The following PRDM5 variants were observed in gnomAD, a reference collection of about 807,000 sequenced individuals.
The protein encoded by PRDM5 is PR/SET domain 5, also known as PR domain zinc finger protein 5.
PRDM5 carries 56 observed loss-of-function variants against 81.2 expected under a neutral mutation model. That is an observed-to-expected ratio of 0.69 (90% CI 0.56 to 0.86). PRDM5 has a LOEUF of 0.86. Among genes scored for constraint, PRDM5 ranks in the 40% least tolerant of loss-of-function variants. The pLI is 0.00. For missense variants in PRDM5, 697 were observed against 770.1 expected (o/e 0.91, Z 1.12); for synonymous variants, 267 against 256.4 (o/e 1.04, Z -0.39).
At chr4:120,695,374 T>G (rs890381453) in intron 15 of PRDM5, 99 bp from the exon 16 acceptor site, 3 of 1,321,332 alleles carry the variant, frequency 2.3e-6, no homozygotes, top group Non-Finnish European at 3.2e-6. Flanking sequence ...ATTAATAAGT[T>G]ACTGCATTTA....
chr4:120,838,085 T>C (rs543074379), intron 3 of PRDM5: 7 of 152,320 alleles, frequency 4.6e-5, no homozygotes, highest in South Asian at 2.1e-4. Context: ...ATGATTCTTA[T>C]ATCTACTTTC....
chr4:120,850,053 C>A (rs547259039), intron 3 of PRDM5, among the ~76,000 whole-genome samples: 57 of 152,054 alleles, frequency 3.7e-4, no homozygotes, highest in African/African-American at 1.3e-3. Context: ...AAATAAATTG[C>A]AAAACTAGAA....
chr4:120,795,599 A>G (rs538809055), intron 10 of PRDM5, among the ~76,000 whole-genome samples: 3 of 151,968 alleles, frequency 2.0e-5, no homozygotes, highest in African/African-American at 7.2e-5. Context: ...AAAAAAAAAA[A>G]AAAACACCCC....
intron 3 of PRDM5, among the ~76,000 whole-genome samples, chr4:120,834,229 T>C (rs1330372018): frequency 6.6e-6 from 1 of 152,198 alleles, no homozygotes; most frequent in Non-Finnish European, 1.5e-5. Context: ...ATGTGCTGAA[T>C]ATTTGTGTCC....
intron 2 of PRDM5, among the ~76,000 whole-genome samples, chr4:120,860,646 T>G (rs1375836133): frequency 1.3e-5 from 2 of 152,186 alleles, no homozygotes; most frequent in Non-Finnish European, 2.9e-5. Context: ...TGAGTTTAAC[T>G]GACATTAGCT....
At chr4:120,795,589 A>C (rs1179672270) in intron 10 of PRDM5, among the ~76,000 whole-genome samples, 2 of 87,984 alleles carry the variant, frequency 2.3e-5, no homozygotes, top group African/African-American at 6.1e-5. Flanking sequence ...CTAAATTTTC[A>C]AAAAAAAAAA....
chr4:120,791,858 G>C (rs749599058), intron 10 of PRDM5, among the ~76,000 whole-genome samples: 2 of 152,198 alleles, frequency 1.3e-5, no homozygotes, highest in Non-Finnish European at 2.9e-5. Flanking sequence ...TATCAAAAGA[G>C]ATAGGAGAGC....
intron 15 of PRDM5, among the ~76,000 whole-genome samples, chr4:120,707,307 G>A (rs1190101021): frequency 8.3e-5 from 12 of 145,332 alleles, no homozygotes; most frequent in South Asian, 4.3e-4. Flanking sequence ...TACATCATAC[G>A]AACAGAACAA....
intron 15 of PRDM5, among the ~76,000 whole-genome samples, chr4:120,701,931 C>T (rs897186021): frequency 1.3e-5 from 2 of 152,142 alleles, no homozygotes; most frequent in Non-Finnish European, 2.9e-5. Context: ...AAACTAAAGC[C>T]TAGATTATTG....
chr4:120,793,260 T>C (rs991748398), intron 10 of PRDM5, among the ~76,000 whole-genome samples: 1 of 152,136 alleles, frequency 6.6e-6, no homozygotes, highest in African/African-American at 2.4e-5. Flanking sequence ...GGGATCTAGG[T>C]TGCATGCTCC....
At chr4:120,814,487 T>C (rs1754234539) in intron 7 of PRDM5, among the ~76,000 whole-genome samples, 2 of 152,186 alleles carry the variant, frequency 1.3e-5, no homozygotes, top group South Asian at 4.1e-4. Context: ...CTAAGTATGC[T>C]TCTAGGAGCT....
chr4:120,916,016 A>C (rs895784794), intron 1 of PRDM5, among the ~76,000 whole-genome samples: 16 of 152,226 alleles, frequency 1.1e-4, no homozygotes, highest in African/African-American at 3.6e-4. Context: ...ATTCATTGCC[A>C]GAAGACAAGT....
intron 7 of PRDM5, among the ~76,000 whole-genome samples, chr4:120,813,674 C>A (rs1390358391): frequency 1.3e-5 from 2 of 152,196 alleles, no homozygotes; most frequent in African/African-American, 4.8e-5. Context: ...AAATGAATAT[C>A]TGATAGCATA....
chr4:120,801,555 T>C (rs1448617099), intron 8 of PRDM5, among the ~76,000 whole-genome samples: 1 of 152,224 alleles, frequency 6.6e-6, no homozygotes, highest in African/African-American at 2.4e-5. Flanking sequence ...GAAGCCAAAA[T>C]ATGTCATTCC....
At chr4:120,739,462 T>C (rs1741588374) in intron 14 of PRDM5, among the ~76,000 whole-genome samples, 1 of 152,128 alleles carries the variant, frequency 6.6e-6, no homozygotes, top group Admixed American at 6.5e-5. Flanking sequence ...CAAAGACATA[T>C]AGAATGAGAA....
chr4:120,782,632 GT>G (rs2149243430), intron 11 of PRDM5, among the ~76,000 whole-genome samples: 1 of 152,080 alleles, frequency 6.6e-6, no homozygotes, highest in African/African-American at 2.4e-5. Flanking sequence ...TGAGAGCTTG[GT>G]TTTTTGTGTG....
intron 2 of PRDM5, among the ~76,000 whole-genome samples, chr4:120,872,076 G>A (rs532458272): frequency 8.2e-4 from 123 of 149,882 alleles, no homozygotes; most frequent in African/African-American, 2.6e-3. Context: ...GCTTGAACCC[G>A]GGAGGCGGAG....
At chr4:120,736,662 G>A (rs757431906) in intron 14 of PRDM5, among the ~76,000 whole-genome samples, 3 of 151,942 alleles carry the variant, frequency 2.0e-5, no homozygotes, top group Admixed American at 1.3e-4. Flanking sequence ...TGAAGTTATC[G>A]GACACTCTCA....
chr4:120,901,931 A>G (rs148985888), intron 2 of PRDM5, among the ~76,000 whole-genome samples: 1 of 152,306 alleles, frequency 6.6e-6, no homozygotes, highest in Non-Finnish European at 1.5e-5. Context: ...GCAAATGCAG[A>G]CTCAGCATGA....
Sources: allele counts gnomAD v4.1 joint callset (sites outside exome capture counted in the v4.1 genomes callset), GRCh38; gene constraint gnomAD v4.1.1; transcripts MANE v1.5; gene names NCBI Gene and HGNC (gene_info 2026-07-23, HGNC 2026-07-21).